Variants in MACROD2 observed in about 807,000 individuals in gnomAD.
MACROD2 encodes the protein ADP-ribose glycohydrolase MACROD2.
A neutral mutation model predicts 70.4 loss-of-function variants in MACROD2; 36 were observed. The ratio of observed to expected loss-of-function variants is 0.51; its 90% CI spans 0.39 to 0.68. The LOEUF (loss-of-function observed/expected upper bound fraction) is 0.68. Ranked by LOEUF, MACROD2 falls within the 30% of genes least tolerant of loss-of-function variation. The pLI is 0.00. For missense variants in MACROD2, 496 were observed against 538.4 expected, an observed-to-expected ratio of 0.92 and a Z score of 0.78; for synonymous variants, 172 against 178.8, an observed-to-expected ratio of 0.96 and a Z score of 0.30.
At chr20:14,116,898 C>T (rs1305349179) in intron 3 of MACROD2, among the ~76,000 whole-genome samples, 1 of 152,040 alleles carries the variant, frequency 6.6e-6, no homozygotes, top group Non-Finnish European at 1.5e-5. Flanking sequence ...GAAACCCCGT[C>T]TCTACTAAAA....
intron 4 of MACROD2, among the ~76,000 whole-genome samples, chr20:14,599,830 C>T (rs1409901662): frequency 6.6e-6 from 1 of 152,044 alleles, no homozygotes; most frequent in African/African-American, 2.4e-5. Context: ...GGCAATGCCT[C>T]ACATAGGGAG....
At chr20:15,828,427 C>T (rs1348039419) in intron 8 of MACROD2, among the ~76,000 whole-genome samples, 1 of 152,080 alleles carries the variant, frequency 6.6e-6, no homozygotes, top group African/African-American at 2.4e-5. Context: ...CACTGCCTCC[C>T]CTCAAAATGA....
At chr20:14,908,701 G>A (rs1196178632) in intron 5 of MACROD2, among the ~76,000 whole-genome samples, 1 of 152,096 alleles carries the variant, frequency 6.6e-6, no homozygotes, top group Non-Finnish European at 1.5e-5. Context: ...GTGAACCCCT[G>A]GAGGAATGTG....
intron 6 of MACROD2, among the ~76,000 whole-genome samples, chr20:15,356,328 G>A (rs1018858255): frequency 6.6e-6 from 1 of 152,126 alleles, no homozygotes; most frequent in Non-Finnish European, 1.5e-5. Flanking sequence ...TCTGGCATAA[G>A]TATAGTAAGG....
chr20:15,555,828 C>CAAAAAAAAA (rs397838341), intron 8 of MACROD2, among the ~76,000 whole-genome samples: 29 of 18,460 alleles, frequency 1.6e-3, no homozygotes, highest in Middle Eastern at 0.045. Flanking sequence ...GACTCCATCT[C>CAAAAAAAAA]AAAAAAAAAA....
intron 3 of MACROD2, among the ~76,000 whole-genome samples, chr20:14,126,959 C>T (rs559829127): frequency 1.3e-3 from 201 of 152,298 alleles, no homozygotes; most frequent in African/African-American, 4.6e-3. Context: ...GCAGTGGCCT[C>T]TAAGTGTTCA....
chr20:14,109,338 T>C (rs1374058619), intron 3 of MACROD2, among the ~76,000 whole-genome samples: 1 of 151,784 alleles, frequency 6.6e-6, no homozygotes, highest in Non-Finnish European at 1.5e-5. Context: ...TTGATGCATG[T>C]TAAAGAAGTA....
chr20:14,803,949 C>T (rs6131609), intron 5 of MACROD2, among the ~76,000 whole-genome samples: 14,834 of 151,886 alleles, frequency 0.098, 1,064 homozygotes, highest in East Asian at 0.32. Flanking sequence ...CAAAATGGAA[C>T]GTTTTTTGAG....
chr20:14,950,270 G>A (rs1325669489), intron 5 of MACROD2, among the ~76,000 whole-genome samples: 1 of 152,080 alleles, frequency 6.6e-6, no homozygotes, highest in Non-Finnish European at 1.5e-5. Flanking sequence ...GACTCATGCT[G>A]TCTTGCAGAC....
At chr20:14,120,698 T>TAA (rs1449042184) in intron 3 of MACROD2, among the ~76,000 whole-genome samples, 8 of 150,882 alleles carry the variant, frequency 5.3e-5, no homozygotes, top group Non-Finnish European at 1.0e-4. Flanking sequence ...TATATATATA[T>TAA]AATGGAATAC....
intron 10 of MACROD2, among the ~76,000 whole-genome samples, chr20:15,911,363 T>G (rs2065234812): frequency 6.6e-6 from 1 of 152,226 alleles, no homozygotes; most frequent in Non-Finnish European, 1.5e-5. Context: ...AATTCTTGTG[T>G]CTTGTTCTTT....
chr20:15,814,549 T>C (rs1199017546), intron 8 of MACROD2, among the ~76,000 whole-genome samples: 1 of 152,196 alleles, frequency 6.6e-6, no homozygotes, highest in African/African-American at 2.4e-5. Flanking sequence ...ACTCTTTCCA[T>C]GCTCCCTGGG....
chr20:15,599,612 C>T (rs2048792204), intron 8 of MACROD2, among the ~76,000 whole-genome samples: 1 of 152,132 alleles, frequency 6.6e-6, no homozygotes, highest in African/African-American at 2.4e-5. Flanking sequence ...CTAATGAGAA[C>T]CAAATAAGCT....
At chr20:14,787,701 C>T (rs559546507) in intron 5 of MACROD2, among the ~76,000 whole-genome samples, 86 of 152,178 alleles carry the variant, frequency 5.7e-4, no homozygotes, top group Admixed American at 2.8e-3. Flanking sequence ...TTGAGACTAC[C>T]TTTAGTGGGG....
chr20:14,489,715 T>C (rs2058477161), intron 3 of MACROD2, among the ~76,000 whole-genome samples: 1 of 152,194 alleles, frequency 6.6e-6, no homozygotes, highest in Non-Finnish European at 1.5e-5. Flanking sequence ...ATAGTTTTAA[T>C]CAATGTTTAA....
At chr20:15,937,671 A>T (rs1333242818) in intron 12 of MACROD2, 127 bp downstream of exon 12, 17 of 750,224 alleles carry the variant, frequency 2.3e-5, no homozygotes, top group Non-Finnish European at 3.8e-5. Flanking sequence ...TCTGTTTCCA[A>T]TATAATTGAC....
At chr20:14,308,617 A>G (rs1318326835) in intron 3 of MACROD2, among the ~76,000 whole-genome samples, 1 of 152,180 alleles carries the variant, frequency 6.6e-6, no homozygotes, top group Non-Finnish European at 1.5e-5. Context: ...TTATACATGC[A>G]GTATGTTTTA....
intron 3 of MACROD2, among the ~76,000 whole-genome samples, chr20:14,384,098 A>C (rs2083448266): frequency 6.6e-6 from 1 of 152,138 alleles, no homozygotes; most frequent in Admixed American, 6.6e-5. Flanking sequence ...GAGGATGCTT[A>C]AAATGCCAAA....
At chr20:14,396,511 G>A (rs533645079) in intron 3 of MACROD2, among the ~76,000 whole-genome samples, 144 of 152,142 alleles carry the variant, frequency 9.5e-4, no homozygotes, top group African/African-American at 2.4e-3. Flanking sequence ...TTTTATAGCC[G>A]TTCCGATTTT....
Sources: allele counts gnomAD v4.1 joint callset (sites outside exome capture counted in the v4.1 genomes callset), GRCh38; gene constraint gnomAD v4.1.1; transcripts MANE v1.5; gene names NCBI Gene and HGNC (gene_info 2026-07-23, HGNC 2026-07-21).